NTM: variants seen among roughly 807,000 people sequenced by gnomAD.
NTM encodes neurotrimin, also known as IgLON family member 2.
Under a neutral mutation model 42.1 loss-of-function variants are expected in NTM, and 13 were observed. That is an observed-to-expected ratio of 0.31 (90% CI 0.20 to 0.49). The LOEUF is 0.49. Ranked by LOEUF, NTM falls within the 20% of genes least tolerant of loss-of-function variation. The pLI is 0.99. For synonymous variants in NTM, 187 were observed against 179.2 expected (o/e 1.04, Z -0.35); for missense variants, 373 against 452.8 (o/e 0.82, Z 1.60).
intron 3 of NTM, among the ~76,000 whole-genome samples, chr11:132,202,320 G>C (rs756630948): frequency 5.3e-5 from 8 of 152,270 alleles, no homozygotes; most frequent in East Asian, 1.9e-4. Context: ...CAAAGTGCTC[G>C]GAATAGAAGG....
chr11:131,815,622 C>G (rs1183218290), intron 1 of NTM, among the ~76,000 whole-genome samples: 1 of 152,110 alleles, frequency 6.6e-6, no homozygotes, highest in African/African-American at 2.4e-5. Flanking sequence ...TTACCCAACC[C>G]CCACTTCCCC....
intron 1 of NTM, among the ~76,000 whole-genome samples, chr11:131,591,801 G>A (rs2059389830): frequency 1.3e-5 from 2 of 152,214 alleles, no homozygotes; most frequent in Admixed American, 1.3e-4. Flanking sequence ...TGAATGGGAA[G>A]GGGGCAGTTC....
intron 1 of NTM, among the ~76,000 whole-genome samples, chr11:131,470,892 C>A (rs1038053417): frequency 6.6e-6 from 1 of 152,186 alleles, no homozygotes; most frequent in Non-Finnish European, 1.5e-5. Context: ...CATTTCCACG[C>A]TCCAAGCCTT....
intron 1 of NTM, among the ~76,000 whole-genome samples, chr11:131,590,006 A>G (rs7358316): frequency 0.4 from 61,349 of 152,116 alleles, 14,029 homozygotes; most frequent in East Asian, 0.57. Context: ...ATATTCACCA[A>G]GGAACTGGAA....
At chr11:131,896,161 C>T (rs2052230842) in intron 1 of NTM, among the ~76,000 whole-genome samples, 1 of 152,146 alleles carries the variant, frequency 6.6e-6, no homozygotes, top group South Asian at 2.1e-4. Context: ...AAATGCCGTA[C>T]ATCTGCTATT....
chr11:132,149,659 T>C (rs968119507), intron 3 of NTM, among the ~76,000 whole-genome samples: 5 of 152,178 alleles, frequency 3.3e-5, no homozygotes, highest in African/African-American at 9.6e-5. Flanking sequence ...TCTGATCCAA[T>C]ATGGTTATTT....
intron 1 of NTM, chr11:131,540,417 G>C (rs572308283): frequency 6.6e-6 from 1 of 151,792 alleles, no homozygotes; most frequent in Non-Finnish European, 1.5e-5. Flanking sequence ...CATCTGCCTC[G>C]GCCTCCTAAA....
chr11:131,719,091 G>C (rs1295071172), intron 1 of NTM, among the ~76,000 whole-genome samples: 1 of 152,042 alleles, frequency 6.6e-6, no homozygotes. Context: ...TGTATTTTTA[G>C]TAGAGATGAG....
intron 3 of NTM, among the ~76,000 whole-genome samples, chr11:132,190,736 T>A (rs1385005441): frequency 2.3e-5 from 3 of 132,730 alleles, no homozygotes; most frequent in Non-Finnish European, 3.2e-5. Context: ...GAATCCATCT[T>A]AAAAAAAAAA....
intron 1 of NTM, among the ~76,000 whole-genome samples, chr11:131,783,560 T>C (rs547771026): frequency 1.3e-5 from 2 of 152,174 alleles, no homozygotes; most frequent in Non-Finnish European, 2.9e-5. Context: ...CTTTTCAATG[T>C]ATGGTGCTCA....
intron 1 of NTM, among the ~76,000 whole-genome samples, chr11:131,840,816 G>T (rs2044141709): frequency 6.6e-6 from 1 of 152,186 alleles, no homozygotes; most frequent in Admixed American, 6.5e-5. Context: ...GACCCTGGAA[G>T]TGCTCTTCTG....
intron 1 of NTM, among the ~76,000 whole-genome samples, chr11:131,510,341 C>T: frequency 6.6e-6 from 1 of 152,184 alleles, no homozygotes; most frequent in East Asian, 1.9e-4. Flanking sequence ...GGGAATCTGC[C>T]AGGTGAAAGC....
At chr11:132,180,379 G>A (rs150843924) in intron 3 of NTM, among the ~76,000 whole-genome samples, 3 of 152,086 alleles carry the variant, frequency 2.0e-5, no homozygotes, top group African/African-American at 7.2e-5. Context: ...TAAAGGCAGA[G>A]ATTAGCCAAG....
At chr11:132,080,789 A>C (rs1388649800) in intron 2 of NTM, among the ~76,000 whole-genome samples, 1 of 152,218 alleles carries the variant, frequency 6.6e-6, no homozygotes, top group Non-Finnish European at 1.5e-5. Context: ...AAACTGTGAA[A>C]TGTGCTTGTT....
At chr11:132,017,785 A>T (rs1297980113) in intron 2 of NTM, among the ~76,000 whole-genome samples, 1 of 151,970 alleles carries the variant, frequency 6.6e-6, no homozygotes, top group Non-Finnish European at 1.5e-5. Context: ...ATGAACATGG[A>T]ATGCCTTTTC....
chr11:132,055,366 G>A (rs1594171755), intron 2 of NTM, among the ~76,000 whole-genome samples: 1 of 152,154 alleles, frequency 6.6e-6, no homozygotes, highest in Admixed American at 6.5e-5. Flanking sequence ...CACTTGGAGA[G>A]CCCTAGCGTC....
Position 132,175,154 on chromosome 11 carries a change from T to C in NTM, c.400+28640T>C, listed in dbSNP as rs568158628. Among the ~76,000 whole-genome samples, 29 of 152,236 alleles carry C rather than the reference T, an allele frequency of 1.9e-4. No homozygotes were observed. The East Asian group carries it at 4.5e-3, about 23-fold the overall frequency. Reference sequence around the variant, plus strand: ...TGATTTAGTGCAGAATGTGTACATGTAGGATTTTTAATTAAAGGTTTGGGG... The same window carrying C: ...TGATTTAGTGCAGAATGTGTACATGCAGGATTTTTAATTAAAGGTTTGGGG... On this transcript the variant is annotated intron_variant, in intron 3 of 8. Transcript: ENST00000683400.
chr11:131,989,003 T>C (rs1354783303), intron 2 of NTM, among the ~76,000 whole-genome samples: 2 of 152,228 alleles, frequency 1.3e-5, no homozygotes, highest in Admixed American at 6.5e-5. Flanking sequence ...CCAGCTATAG[T>C]GGGTCCATAA....
At chr11:131,732,792 G>A (rs2079862900) in intron 1 of NTM, among the ~76,000 whole-genome samples, 3 of 152,142 alleles carry the variant, frequency 2.0e-5, no homozygotes, top group Admixed American at 2.0e-4. Context: ...CTAGGATACA[G>A]AATCTACAGA....
Sources: allele counts gnomAD v4.1 joint callset (sites outside exome capture counted in the v4.1 genomes callset), GRCh38; gene constraint gnomAD v4.1.1; transcripts MANE v1.5; gene names NCBI Gene and HGNC (gene_info 2026-07-23, HGNC 2026-07-21).